TLL2: variants seen among roughly 807,000 people sequenced by gnomAD.
TLL2 encodes tolloid-like protein 2.
A neutral mutation model predicts 123.0 loss-of-function variants in TLL2; 106 were observed. The observed-to-expected ratio is 0.86, with a 90% CI of 0.74 to 1.01. The LOEUF (loss-of-function observed/expected upper bound fraction) is 1.01, where lower values mean the gene tolerates loss of function less well. Among genes scored for constraint, TLL2 ranks in the 50% least tolerant of loss-of-function variants. The pLI is 0.00. For missense variants in TLL2, 1,332 were observed against 1,336.7 expected (o/e 1.00, Z 0.06); for synonymous variants, 494 against 516.8 (o/e 0.96, Z 0.60).
rs1185041616 is a variant in TLL2 at position 96,384,733 on chromosome 10, C to T, written c.2048G>A (p.Gly683Asp). Residue 683 changes from glycine to aspartate, a missense_variant, in exon 16 of 21, where the codon GGC becomes GAC. By Grantham distance (94) the Gly-to-Asp change is moderately conservative. Transcript: ENST00000357947. ...GTGCAGCTTGGCGTCGGGGGACAGG[C>T]CGCTGCGCACCTCTACAAAGTCGTA... ...CKYDFVEVRS[G>D]LSPDAKLHGR... 3.7e-6 allele frequency: 6 copies of T among 1,606,432 alleles called. No homozygotes were observed. Among genetic ancestry groups the T allele is most frequent in the Non-Finnish European group, 5.1e-6 (6 of 1,175,036 alleles).
intron 3 of TLL2, 99 bp downstream of exon 3, chr10:96,445,991 TA>T (rs1846894372): frequency 1.6e-6 from 2 of 1,241,054 alleles, no homozygotes; most frequent in Non-Finnish European, 2.3e-6. Flanking sequence ...TTAATGCCAC[TA>T]AAGGGTATGC....
At chr10:96,383,069 G>C (rs1243747501) in intron 16 of TLL2, among the ~76,000 whole-genome samples, 1 of 151,516 alleles carries the variant, frequency 6.6e-6, no homozygotes, top group African/African-American at 2.4e-5. Context: ...GTGATGGTGT[G>C]GGGGAACAGT....
At chr10:96,444,507 A>G (rs1846877171) in intron 3 of TLL2, among the ~76,000 whole-genome samples, 1 of 152,234 alleles carries the variant, frequency 6.6e-6, no homozygotes, top group Admixed American at 6.5e-5. Context: ...TATGTTTTAA[A>G]ACAATGACAA....
intron 2 of TLL2, among the ~76,000 whole-genome samples, chr10:96,453,177 T>C (rs974449358): frequency 6.6e-6 from 1 of 152,176 alleles, no homozygotes; most frequent in African/African-American, 2.4e-5. Flanking sequence ...GCAATAAGGC[T>C]GGGTGCAGTG....
chr10:96,371,185 G>C (rs1295742336), intron 19 of TLL2, among the ~76,000 whole-genome samples: 1 of 152,046 alleles, frequency 6.6e-6, no homozygotes, highest in African/African-American at 2.4e-5. Flanking sequence ...GCTAGGTGTG[G>C]TGGTGGGCGC....
chr10:96,366,407 A>C lies in TLL2; in HGVS notation c.*1681T>G, dbSNP rs994277818. On this transcript the variant is annotated 3_prime_UTR_variant, in exon 21 of 21. Coordinates refer to ENST00000357947, the MANE Select transcript of TLL2 (RefSeq NM_012465.4). Reference sequence around the variant, plus strand: ...CAGGGGTTGGCATTTTCCACACTGCATTGATTAAGGCTTTGACAGCTGATC... The same window carrying C: ...CAGGGGTTGGCATTTTCCACACTGCCTTGATTAAGGCTTTGACAGCTGATC... 6.5e-6 allele frequency: 1 copy of C among 152,692 alleles called. No individual in the cohort carries two copies. Among genetic ancestry groups the C allele is most frequent in the Non-Finnish European group, 1.5e-5 (1 of 68,048 alleles). The allele number at this position is 152,692 out of a possible 1,614,324, so 9.5% of individuals were successfully genotyped here.
chr10:96,455,211 AGAGT>A (rs1163276950), intron 2 of TLL2, among the ~76,000 whole-genome samples: 34 of 152,280 alleles, frequency 2.2e-4, no homozygotes, highest in African/African-American at 8.2e-4. Flanking sequence ...CCTGGGTGAC[AGAGT>A]GAGACTCCGC....
rs970964625 is a variant in TLL2, at chr10:96,413,267, T to A, written c.973A>T (p.Arg325Trp). The change falls in exon 8 of 21, where the codon AGG becomes TGG. Residue 325 changes from arginine (R) to tryptophan (W), a missense_variant. Transcript: ENST00000357947. Reference sequence around the variant, plus strand: ...CGCACGCGCTGGCCAATGGTTGGCCTGACGCCATTGTCATCTTGACGGGGA... The same window carrying A: ...CGCACGCGCTGGCCAATGGTTGGCCAGACGCCATTGTCATCTTGACGGGGA... The part of the protein sequence containing the change: ...ILPRQDDNGV[R>W]PTIGQRVRLS... 1 of 1,614,144 alleles carries A rather than the reference T, an allele frequency of 6.2e-7. No individual in the cohort carries two copies. Among genetic ancestry groups the A allele is most frequent in the Non-Finnish European group, 8.5e-7 (1 of 1,179,954 alleles).
chr10:96,513,366 G>A (rs1226813007), intron 1 of TLL2, 145 bp downstream of exon 1: 2 of 1,029,740 alleles, frequency 1.9e-6, no homozygotes. Context: ...GCAATTCCTC[G>A]GAGGCATTGT....
At chr10:96,385,172 C>T (rs1846222385) in intron 15 of TLL2, among the ~76,000 whole-genome samples, 1 of 152,124 alleles carries the variant, frequency 6.6e-6, no homozygotes, top group African/African-American at 2.4e-5. Flanking sequence ...ATCCTGCAAA[C>T]CACCGACAGA....
At chr10:96,487,449 T>C (rs1439333563) in intron 1 of TLL2, among the ~76,000 whole-genome samples, 1 of 152,134 alleles carries the variant, frequency 6.6e-6, no homozygotes, top group African/African-American at 2.4e-5. Context: ...ACAAATGGTC[T>C]CAACCAGACA....
intron 7 of TLL2, among the ~76,000 whole-genome samples, chr10:96,414,680 AACACC>A: frequency 6.6e-6 from 1 of 152,034 alleles, no homozygotes; most frequent in Non-Finnish European, 1.5e-5. Context: ...GATGCCTCGT[AACACC>A]TCCCCTGGGC....
intron 2 of TLL2, among the ~76,000 whole-genome samples, chr10:96,479,171 T>C (rs1019259490): frequency 6.6e-6 from 1 of 152,334 alleles, no homozygotes; most frequent in East Asian, 1.9e-4. Flanking sequence ...TCAAACCTTA[T>C]ACGAGACCTC....
In TLL2 at chr10:96,395,330, G is replaced by A. The variant is rs1313627278; in HGVS notation, c.1583C>T (p.Pro528Leu). 1.2e-6 allele frequency: 2 copies of A among 1,612,520 alleles called. No homozygotes were observed. Among genetic ancestry groups the A allele is most frequent in the South Asian group, 1.1e-5 (1 of 90,668 alleles). Residue 528 changes from proline to leucine, a missense_variant, in exon 13 of 21, where the codon CCC (proline) becomes CTC (leucine). By Grantham distance (98) the Pro-to-Leu change is moderately conservative. Coordinates refer to ENST00000357947, the MANE Select transcript of TLL2 (RefSeq NM_012465.4). ...AYDYLEVRDG[P>L]TEESALIGHF... ...GCCGATCAGGGCACTCTCTTCCGTG[G>A]GGCCATCCCGGACTTCCAGGTAGTC...
intron 11 of TLL2, 97 bp downstream of exon 11, chr10:96,397,089 G>T: frequency 8.7e-7 from 1 of 1,147,622 alleles, no homozygotes; most frequent in Non-Finnish European, 1.3e-6. Flanking sequence ...TGTGGCTCTG[G>T]CCTGGAGTGT....
chr10:96,476,248 T>TTTTTTTTTTTTTTTTTTTTTTTGTTG (rs1285354320), intron 2 of TLL2, among the ~76,000 whole-genome samples: 2 of 69,226 alleles, frequency 2.9e-5, no homozygotes, highest in Non-Finnish European at 5.5e-5. Context: ...ATATTTTATT[T>TTTTTTTTTTTTTTTTTTTTTTTGTTG]TTGTTGTTGT....
chr10:96,447,703 A>AT (rs1846912570), intron 2 of TLL2, among the ~76,000 whole-genome samples: 1 of 152,218 alleles, frequency 6.6e-6, no homozygotes, highest in South Asian at 2.1e-4. Flanking sequence ...AGGACAATCT[A>AT]TTTTTAAACA....
chr10:96,376,875 CAAG>C, intron 17 of TLL2, 56 bp from the exon 18 acceptor site: 5 of 1,461,888 alleles, frequency 3.4e-6, no homozygotes, highest in Non-Finnish European at 4.5e-6. Context: ...GTGGGCAGCA[CAAG>C]AAGGATTCTA....
At chr10:96,380,906 G>GGCGGAGATTGCGGTGA (rs1226455531) in intron 16 of TLL2, among the ~76,000 whole-genome samples, 1 of 151,700 alleles carries the variant, frequency 6.6e-6, no homozygotes, top group Non-Finnish European at 1.5e-5. Flanking sequence ...GAAGCCAGGA[G>GGCGGAGATTGCGGTGA]GCGGAGATTG....
Sources: allele counts gnomAD v4.1 joint callset (sites outside exome capture counted in the v4.1 genomes callset), GRCh38; gene constraint gnomAD v4.1.1; transcripts MANE v1.5; gene names NCBI Gene and HGNC (gene_info 2026-07-23, HGNC 2026-07-21).